The following SHPRH variants were observed in gnomAD, a reference collection of about 807,000 sequenced individuals.
The protein encoded by SHPRH is E3 ubiquitin-protein ligase SHPRH.
A neutral mutation model predicts 202.5 loss-of-function variants in SHPRH; 106 were observed. That is an observed-to-expected ratio of 0.52 (90% confidence interval 0.45 to 0.62). The LOEUF (loss-of-function observed/expected upper bound fraction) is 0.62. SHPRH is among the 20% of genes least tolerant of loss of function. The pLI, the probability that SHPRH is intolerant of heterozygous loss-of-function variation, is 0.00. For missense variants in SHPRH, 1,710 were observed against 2,020.0 expected (o/e 0.85, Z 2.94); for synonymous variants, 729 against 686.0 (o/e 1.06, Z -0.98).
At chr6:145,946,646 T>C (rs944747992) in intron 6 of SHPRH, among the ~76,000 whole-genome samples, 3 of 152,036 alleles carry the variant, frequency 2.0e-5, no homozygotes, top group African/African-American at 7.2e-5. Context: ...AATATGAAAA[T>C]AACTTGGAAT....
At chr6:145,963,587 C>T (rs1038360877) in intron 1 of SHPRH, 144 bp downstream of exon 1, 2 of 152,232 alleles carry the variant, frequency 1.3e-5, no homozygotes, top group African/African-American at 4.8e-5. Flanking sequence ...TGTAATTAAT[C>T]TGGCTCCAAA....
intron 23 of SHPRH, chr6:145,917,357 T>A (rs757607305): frequency 3.0e-4 from 46 of 152,290 alleles, no homozygotes; most frequent in Non-Finnish European, 5.7e-4. Context: ...TAGAAAACAG[T>A]TGAGTCACGA....
At chr6:145,889,945 C>A (rs1470829381) in intron 28 of SHPRH, among the ~76,000 whole-genome samples, 1 of 152,214 alleles carries the variant, frequency 6.6e-6, no homozygotes, top group Non-Finnish European at 1.5e-5. Context: ...CTACTACCAA[C>A]CCCTTCCTCC....
In SHPRH at chr6:145,945,582, C is replaced by T; in HGVS notation, c.1377G>A (p.Val459=). Residue 459 remains valine, a synonymous_variant, in exon 8 of 30, where the codon GTG becomes GTA. Coordinates refer to ENST00000275233, the MANE Select transcript of SHPRH (RefSeq NM_001042683.3). The part of the protein sequence containing the change: ...AVKEMNGKKG[V]SILSIYKYVS... ...CATACTTATAGATGGAAAGGATGGACACTCCTTTTTTTCCATTCATTTCTT... is the reference window on the plus strand; with the variant it reads ...CATACTTATAGATGGAAAGGATGGATACTCCTTTTTTTCCATTCATTTCTT... 2.5e-6 allele frequency: 4 copies of T among 1,612,764 alleles called. No individual in the cohort carries two copies. The highest frequency in any genetic ancestry group is 3.4e-6 in the Non-Finnish European group (4 of 1,179,428).
At chr6:145,896,385 A>T (rs769706874) in intron 25 of SHPRH, among the ~76,000 whole-genome samples, 6 of 152,054 alleles carry the variant, frequency 3.9e-5, no homozygotes, top group Admixed American at 6.6e-5. Context: ...TTTTAAAACT[A>T]TTTCAAGTGA....
intron 2 of SHPRH, among the ~76,000 whole-genome samples, chr6:145,867,625 TATATATAGAGAGAG>T (rs1156479651): frequency 1.6e-3 from 100 of 63,386 alleles, no homozygotes; most frequent in African/African-American, 6.5e-3. Flanking sequence ...TATATATATA[TATATATAGAGAGAG>T]AGAGAGAGAG....
chr6:145,943,463 C>T lies in SHPRH; in HGVS notation c.1918G>A (p.Asp640Asn), dbSNP rs1396641725. 4 of 1,613,908 alleles carry T rather than the reference C, an allele frequency of 2.5e-6. No homozygotes were observed. The highest frequency in any genetic ancestry group is 3.3e-5 in the Admixed American group (2 of 59,984). Residue 640 changes from aspartate to asparagine, a missense_variant, in exon 9 of 30, where the codon GAT becomes AAT. Physicochemically the swap from Asp to Asn is conservative, Grantham distance 23. Transcript: ENST00000275233. ...GTATTAGAAGGTGGTACATCACTAT[C>T]AGCATGATTTAGAGATTCAGCACAG... ...EDCAESLNHA[D>N]SDVPPSNTMS...
downstream of SHPRH, among the ~76,000 whole-genome samples, chr6:145,860,648 C>T (rs1047015806): frequency 6.6e-6 from 1 of 151,928 alleles, no homozygotes; most frequent in Non-Finnish European, 1.5e-5. Context: ...AAAAAAGAAT[C>T]CTAAAATTTA....
intron 1 of SHPRH, among the ~76,000 whole-genome samples, chr6:145,958,180 G>C (rs1216676199): frequency 6.6e-6 from 1 of 152,146 alleles, no homozygotes; most frequent in Non-Finnish European, 1.5e-5. Flanking sequence ...GTGACTGACA[G>C]TAAAGGAGCA....
At chr6:145,919,977 C>A (rs925051284) in intron 21 of SHPRH, among the ~76,000 whole-genome samples, 2 of 152,064 alleles carry the variant, frequency 1.3e-5, no homozygotes, top group East Asian at 3.9e-4. Context: ...AGTACCCAAC[C>A]ATGGGGCAAC....
chr6:145,857,995 C>A, the SHPRH span, among the ~76,000 whole-genome samples: 5,648 of 152,056 alleles, frequency 0.037, 376 homozygotes, highest in African/African-American at 0.13. Flanking sequence ...TAGGGAAATG[C>A]AAATCAAAAC....
downstream of SHPRH, among the ~76,000 whole-genome samples, chr6:145,862,403 G>A (rs539207135): frequency 1.3e-5 from 2 of 150,748 alleles, no homozygotes; most frequent in African/African-American, 2.4e-5. Context: ...GCAGTGAGCC[G>A]AGACTCCGTC....
intron 24 of SHPRH, among the ~76,000 whole-genome samples, chr6:145,912,977 A>T (rs1783633392): frequency 1.3e-5 from 2 of 152,128 alleles, no homozygotes; most frequent in Non-Finnish European, 2.9e-5. Flanking sequence ...CCACAAAGGA[A>T]TATATTTAAT....
intron 11 of SHPRH, among the ~76,000 whole-genome samples, chr6:145,938,953 T>C (rs1786426212): frequency 6.6e-6 from 1 of 152,186 alleles, no homozygotes; most frequent in Non-Finnish European, 1.5e-5. Flanking sequence ...GGTGTCAGAA[T>C]TGTAGGAGTG....
chr6:145,959,011 T>C (rs1788796968), intron 1 of SHPRH, among the ~76,000 whole-genome samples: 1 of 152,092 alleles, frequency 6.6e-6, no homozygotes, highest in Non-Finnish European at 1.5e-5. Flanking sequence ...TTTTTTTTTG[T>C]ATTTTTAGTA....
chr6:145,943,102 CT>C (rs1394434902), intron 9 of SHPRH, 40 bp downstream of exon 9: 10 of 1,519,374 alleles, frequency 6.6e-6, no homozygotes, highest in Non-Finnish European at 8.8e-6. Context: ...AGAAGCAAAA[CT>C]TTACATTTTC....
At position 145,950,251 on chromosome 6, in the gene SHPRH, A is replaced by T; in HGVS notation, c.982+13T>A. The T allele has an allele frequency of 6.2e-7, 1 of 1,611,180 alleles. No individual in the cohort carries two copies. The highest frequency in any genetic ancestry group is 8.5e-7 in the Non-Finnish European group (1 of 1,178,230). ...CTAATCAATTGGACTTTCTTTAAAC[A>T]TCTTATTCTTACCAGTAGCAGGACT... is the stretch of plus-strand genomic sequence containing the variant. On this transcript the variant is annotated intron_variant, in intron 4 of 29. Coordinates refer to ENST00000275233, the MANE Select transcript of SHPRH (RefSeq NM_001042683.3).
chr6:145,948,423 T>G, intron 4 of SHPRH, 73 bp from the exon 5 acceptor site: 2 of 1,203,500 alleles, frequency 1.7e-6, no homozygotes, highest in Non-Finnish European at 2.4e-6. Context: ...AAAAAAAGAA[T>G]AGGTTAACAG....
chr6:145,904,112 T>C (rs1782739200), intron 25 of SHPRH: 1 of 152,100 alleles, frequency 6.6e-6, no homozygotes, highest in South Asian at 2.1e-4. Flanking sequence ...AAATGTCTAC[T>C]ACTAATAAAT....
Sources: allele counts gnomAD v4.1 joint callset (sites outside exome capture counted in the v4.1 genomes callset), GRCh38; gene constraint gnomAD v4.1.1; transcripts MANE v1.5; gene names NCBI Gene and HGNC (gene_info 2026-07-23, HGNC 2026-07-21).